LMLN: variants seen among roughly 807,000 people sequenced by gnomAD.
LMLN encodes the protein leishmanolysin like peptidase.
A neutral mutation model predicts 92.3 loss-of-function variants in LMLN; 70 were observed. That is an observed-to-expected ratio of 0.76 (90% CI 0.63 to 0.92). The LOEUF (loss-of-function observed/expected upper bound fraction) is 0.92. LMLN is among the 40% of genes least tolerant of loss of function. LMLN has a pLI of 0.00. For missense variants in LMLN, 691 were observed against 814.6 expected, an observed-to-expected ratio of 0.85 and a Z score of 1.85; for synonymous variants, 308 against 296.2, an observed-to-expected ratio of 1.04 and a Z score of -0.41.
At chr3:198,036,918 A>ATTTTCAATCAC (rs1161777527) in intron 15 of LMLN, among the ~76,000 whole-genome samples, 2 of 152,160 alleles carry the variant, frequency 1.3e-5, no homozygotes, top group Admixed American at 6.5e-5. Flanking sequence ...CCCTTTGCCT[A>ATTTTCAATCAC]GTCCATGGTG....
At chr3:197,960,496 C>T (rs1581120240) in intron 1 of LMLN, 56 bp downstream of exon 1, 1 of 1,515,588 alleles carries the variant, frequency 6.6e-7, no homozygotes, top group East Asian at 2.3e-5. Flanking sequence ...CCAGAAGGAG[C>T]AGGCGTAGGA....
chr3:197,980,309 G>A lies in LMLN; in HGVS notation c.550-17G>A, dbSNP rs768491275. ...TTTGTCTCTGTTCTGGCTTTCTGAT[G>A]TCTCCCGTGGGTGCAGCAATGCCGG... On this transcript the variant is annotated splice_polypyrimidine_tract_variant and intron_variant, in intron 5 of 15. Coordinates refer to ENST00000330198, the Ensembl canonical transcript of LMLN. 2 of 1,599,884 alleles carry A rather than the reference G, an allele frequency of 1.3e-6. No individual in the cohort carries two copies. The highest frequency in any genetic ancestry group is 1.7e-6 in the Non-Finnish European group (2 of 1,171,150).
chr3:197,998,903 G>T (rs1722098319), intron 10 of LMLN, among the ~76,000 whole-genome samples: 1 of 152,184 alleles, frequency 6.6e-6, no homozygotes. Context: ...TATTCTCCCT[G>T]ACCCCAAATT....
chr3:198,034,785 A>G (rs1001624121), intron 14 of LMLN, among the ~76,000 whole-genome samples: 1 of 152,206 alleles, frequency 6.6e-6, no homozygotes, highest in Non-Finnish European at 1.5e-5. Context: ...GTGACTGAGC[A>G]GAGCATTTAG....
intron 1 of LMLN, among the ~76,000 whole-genome samples, chr3:197,965,160 A>C (rs1224139035): frequency 1.3e-5 from 2 of 152,120 alleles, no homozygotes; most frequent in Non-Finnish European, 2.9e-5. Context: ...GACTTCAGCC[A>C]CATGCCACCA....
exon 16 of LMLN, chr3:198,039,100 A>AC (rs201143085): frequency 6.4e-6 from 1 of 157,312 alleles, no homozygotes; most frequent in Non-Finnish European, 1.3e-5. Context: ...CTGCAACCCA[A>AC]CCACCTTCAT....
intron 1 of LMLN, among the ~76,000 whole-genome samples, chr3:197,965,007 CAAAA>C (rs954254964): frequency 2.2e-5 from 2 of 91,062 alleles, no homozygotes; most frequent in Admixed American, 1.3e-4. Context: ...AACTCTGTCT[CAAAA>C]AAAAAAAAAA....
intron 11 of LMLN, among the ~76,000 whole-genome samples, chr3:198,012,882 T>C (rs9812535): frequency 0.075 from 6,461 of 85,596 alleles, 359 homozygotes; most frequent in African/African-American, 0.22. Flanking sequence ...CCCTTCAGAG[T>C]CCCCTAACTA....
At chr3:198,003,186 T>C (rs1326710447) in intron 11 of LMLN, 61 bp downstream of exon 12, 27 of 988,134 alleles carry the variant, frequency 2.7e-5, no homozygotes, top group Non-Finnish European at 4.1e-5. Flanking sequence ...CTTTATTCTT[T>C]ATCCTGAGCC....
intron 11 of LMLN, among the ~76,000 whole-genome samples, chr3:198,015,016 C>T (rs1475024775): frequency 7.0e-6 from 1 of 142,682 alleles, no homozygotes; most frequent in Admixed American, 6.9e-5. Flanking sequence ...TGACTTCTCT[C>T]CACCCTTCAG....
intron 10 of LMLN, 114 bp from the exon 11 acceptor site, chr3:197,999,152 T>G: frequency 1.4e-6 from 1 of 734,348 alleles, no homozygotes; most frequent in Non-Finnish European, 2.4e-6. Flanking sequence ...TAAGTGAATG[T>G]CTTGTCAGCC....
At chr3:197,994,491 AGGTACGTGAAAAAATGCT>A (rs1186215248) in intron 9 of LMLN, 1 of 152,228 alleles carries the variant, frequency 6.6e-6, no homozygotes, top group Non-Finnish European at 1.5e-5. Context: ...AATTGTGAAC[AGGTACGTGAAAAAATGCT>A]CAACATTACT....
At chr3:197,969,656 T>G (rs1384416555) in intron 1 of LMLN, among the ~76,000 whole-genome samples, 1 of 152,208 alleles carries the variant, frequency 6.6e-6, no homozygotes, top group African/African-American at 2.4e-5. Flanking sequence ...CCACACGCAC[T>G]GAAGCAGAAT....
At chr3:197,997,567 C>G (rs539170644) in intron 10 of LMLN, among the ~76,000 whole-genome samples, 3 of 152,186 alleles carry the variant, frequency 2.0e-5, no homozygotes, top group African/African-American at 4.8e-5. Context: ...TAAACACTTG[C>G]ACGCAGAGCC....
At chr3:197,979,687 G>A (rs574128720) in intron 5 of LMLN, among the ~76,000 whole-genome samples, 32 of 152,064 alleles carry the variant, frequency 2.1e-4, no homozygotes, top group Non-Finnish European at 2.8e-4. Flanking sequence ...ATGGTGGCAG[G>A]CACCTGTAAT....
At chr3:197,979,207 A>G (rs1721486553) in intron 5 of LMLN, among the ~76,000 whole-genome samples, 1 of 152,144 alleles carries the variant, frequency 6.6e-6, no homozygotes, top group Non-Finnish European at 1.5e-5. Context: ...AGAATAAACA[A>G]TGTGTATTTT....
At chr3:197,984,115 A>G (rs1581143211) in intron 7 of LMLN, 67 bp downstream of exon 7, 1 of 984,048 alleles carries the variant, frequency 1.0e-6, no homozygotes, top group East Asian at 2.4e-5. Context: ...TCTCATTTTT[A>G]TACATATATT....
intron 13 of LMLN, 134 bp downstream of exon 14, chr3:198,021,739 T>C: frequency 1.5e-6 from 1 of 677,358 alleles, no homozygotes. Context: ...GCTATCCATA[T>C]GTAAGAAGTG....
chr3:198,035,651 C>T (rs910561125), intron 14 of LMLN, among the ~76,000 whole-genome samples, 182 bp from the exon 16 acceptor site: 8 of 152,090 alleles, frequency 5.3e-5, no homozygotes, highest in Non-Finnish European at 7.4e-5. Flanking sequence ...TGAGCCACCG[C>T]GCCCGGCCAA....
Sources: allele counts gnomAD v4.1 joint callset (sites outside exome capture counted in the v4.1 genomes callset), GRCh38; gene constraint gnomAD v4.1.1; transcripts MANE v1.5; gene names NCBI Gene and HGNC (gene_info 2026-07-23, HGNC 2026-07-21).